ADAD1: variants seen among roughly 807,000 people sequenced by gnomAD.
ADAD1 encodes the protein adenosine deaminase domain containing 1.
A neutral mutation model predicts 66.8 loss-of-function variants in ADAD1; 46 were observed. The ratio of observed to expected loss-of-function variants is 0.69; its 90% CI spans 0.54 to 0.88. The LOEUF (loss-of-function observed/expected upper bound fraction) is 0.88. Among genes scored for constraint, ADAD1 ranks in the 40% least tolerant of loss-of-function variants. ADAD1 has a pLI of 0.00. For synonymous variants in ADAD1, 248 were observed against 229.4 expected, an observed-to-expected ratio of 1.08 and a Z score of -0.73; for missense variants, 617 against 681.8, an observed-to-expected ratio of 0.91 and a Z score of 1.06.
chr4:122,410,254 T>C (rs1796409055), intron 8 of ADAD1, among the ~76,000 whole-genome samples: 1 of 152,218 alleles, frequency 6.6e-6, no homozygotes, highest in Admixed American at 6.5e-5. Flanking sequence ...CCACCCCTCT[T>C]GGTGCTTATG....
At chr4:122,396,546 A>G (rs1299581354) in intron 7 of ADAD1, among the ~76,000 whole-genome samples, 169 bp downstream of exon 7, 1 of 152,230 alleles carries the variant, frequency 6.6e-6, no homozygotes, top group East Asian at 1.9e-4. Context: ...GATAAAGCAC[A>G]CTGACCAGGA....
chr4:122,425,237 C>G (rs960439336), intron 12 of ADAD1, among the ~76,000 whole-genome samples: 1 of 152,022 alleles, frequency 6.6e-6, no homozygotes, highest in African/African-American at 2.4e-5. Context: ...TACACAACAG[C>G]AGAATATATG....
chr4:122,383,961 C>G lies in ADAD1; in HGVS notation c.524C>G (p.Thr175Arg). Residue 175 changes from threonine to arginine, a missense_variant, in exon 5 of 13, where the codon ACA becomes AGA. Physicochemically the swap from Thr to Arg is moderately conservative, Grantham distance 71 (BLOSUM62 -1). Coordinates refer to ENST00000296513, the MANE Select transcript of ADAD1 (RefSeq NM_139243.4). ...LDEPEPRILE[T>R]SGPPPFPAEP... ...GAACCTGAACCACGAATTTTAGAAA[C>G]ATCAGGTAAATACTCTTGATTATAA... 6.2e-7 allele frequency: 1 copy of G among 1,605,844 alleles called. No homozygotes were observed. The highest frequency in any genetic ancestry group is 8.5e-7 in the Non-Finnish European group (1 of 1,177,122).
intron 6 of ADAD1, 109 bp from the exon 7 acceptor site, chr4:122,396,143 A>G: frequency 1.1e-6 from 1 of 932,580 alleles, no homozygotes. Context: ...TTGCTTACAG[A>G]TGTCTATATA....
intron 10 of ADAD1, 50 bp from the exon 11 acceptor site, chr4:122,415,329 T>C: frequency 7.3e-7 from 1 of 1,366,668 alleles, no homozygotes; most frequent in Non-Finnish European, 1.0e-6. Flanking sequence ...TATTTTATTT[T>C]GGGATGTTCT....
chr4:122,422,860 G>A (rs1348528971), intron 12 of ADAD1, among the ~76,000 whole-genome samples: 1 of 151,246 alleles, frequency 6.6e-6, no homozygotes, highest in Non-Finnish European at 1.5e-5. Context: ...GCTGAGGTGG[G>A]AGGATCACTT....
chr4:122,405,920 T>A (rs1796187709), intron 7 of ADAD1, among the ~76,000 whole-genome samples: 1 of 152,152 alleles, frequency 6.6e-6, no homozygotes, highest in Non-Finnish European at 1.5e-5. Context: ...TTTCTTCTTT[T>A]TGGGGGGGCT....
At chr4:122,406,046 G>A (rs1796197064) in intron 7 of ADAD1, among the ~76,000 whole-genome samples, 1 of 152,110 alleles carries the variant, frequency 6.6e-6, no homozygotes, top group African/African-American at 2.4e-5. Context: ...ACATGGGAGT[G>A]TAGATATTTC....
rs1033008724 is a variant in ADAD1, at chr4:122,379,128, C to G, written c.-83+13C>G. 6.6e-6 allele frequency: 1 copy of G among 152,380 alleles called. No individual in the cohort carries two copies. Among genetic ancestry groups the G allele is most frequent in the Non-Finnish European group, 1.5e-5 (1 of 68,056 alleles). The allele number at this position is 152,380 out of a possible 1,614,324, so 9.4% of individuals were successfully genotyped here. ...AACCCTCACGCAGGTACCCCTTGGG[C>G]AGCCTTCAACCGCTCTGGGGAAGGA... On this transcript the variant is annotated intron_variant, in intron 1 of 12. Transcript: ENST00000296513.
Position 122,414,266 on chromosome 4 carries a change from CT to C in ADAD1, c.1250-1104del, listed in dbSNP as rs201133179. ...TTTTTTTCTTCCTTTTTCCAAATGT[CT>C]TTTTTTTTGGGGGGGGGGGTACAAC... On this transcript the variant is annotated intron_variant, in intron 10 of 12. Coordinates refer to ENST00000296513, the MANE Select transcript of ADAD1 (RefSeq NM_139243.4). Among the ~76,000 whole-genome samples, 238 of 63,438 alleles carry C rather than the reference CT, an allele frequency of 3.8e-3. 7 individuals are homozygous for C. Among genetic ancestry groups the C allele is most frequent in the Middle Eastern group, 0.022 (1 of 46 alleles). 41.6% of individuals were successfully genotyped at this position (63,438 alleles called of 152,430 possible).
At position 122,407,968 on chromosome 4, in the gene ADAD1, A is replaced by G; in HGVS notation, c.785A>G (p.Lys262Arg). ...TGEYNYSQDI[K>R]PDGRVLHDTH... The stretch of plus-strand genomic sequence containing the variant: ...GAATACAATTACAGCCAGGACATTA[A>G]GCCAGATGGAAGAGTATTGCATGAC... The change falls in exon 8 of 13, where the codon AAG (lysine) becomes AGG (arginine). Residue 262 changes from lysine to arginine, a missense_variant. Transcript: ENST00000296513. The G allele has an allele frequency of 6.2e-7, 1 of 1,613,880 alleles. No individual in the cohort carries two copies. The highest frequency in any genetic ancestry group is 1.1e-5 in the South Asian group (1 of 91,074).
intron 6 of ADAD1, 124 bp from the exon 7 acceptor site, chr4:122,396,128 T>G: frequency 1.3e-6 from 1 of 786,440 alleles, no homozygotes; most frequent in Non-Finnish European, 1.7e-6. Context: ...ACCTAAATTA[T>G]AAATTTGCTT....
At chr4:122,404,869 T>G (rs1436875744) in intron 7 of ADAD1, among the ~76,000 whole-genome samples, 1 of 152,204 alleles carries the variant, frequency 6.6e-6, no homozygotes, top group East Asian at 1.9e-4. Context: ...TCACTCCTCC[T>G]ATAGGCTAAT....
At chr4:122,403,997 A>G (rs1365707825) in intron 7 of ADAD1, among the ~76,000 whole-genome samples, 2 of 152,158 alleles carry the variant, frequency 1.3e-5, no homozygotes, top group Non-Finnish European at 2.9e-5. Context: ...CCACACAGCC[A>G]ACAAGGCCAG....
At chr4:122,419,869 ATAGC>A (rs1332429988) in intron 11 of ADAD1, among the ~76,000 whole-genome samples, 1 of 152,234 alleles carries the variant, frequency 6.6e-6, no homozygotes, top group African/African-American at 2.4e-5. Flanking sequence ...ATAAAAAGGA[ATAGC>A]TAGGTAGTTT....
At chr4:122,404,807 A>G (rs1580775282) in intron 7 of ADAD1, among the ~76,000 whole-genome samples, 1 of 152,144 alleles carries the variant, frequency 6.6e-6, no homozygotes, top group Non-Finnish European at 1.5e-5. Context: ...CCAAATCTAT[A>G]TACTTTCCTG....
At chr4:122,414,280 G>A (rs868589545) in intron 10 of ADAD1, among the ~76,000 whole-genome samples, 3 of 127,206 alleles carry the variant, frequency 2.4e-5, no homozygotes, top group African/African-American at 5.7e-5. Context: ...TTTTTTGGGG[G>A]GGGGGGTACA....
chr4:122,407,044 C>G (rs953606380), intron 7 of ADAD1, among the ~76,000 whole-genome samples: 2 of 151,986 alleles, frequency 1.3e-5, no homozygotes, highest in Middle Eastern at 3.4e-3. Flanking sequence ...CTTGGTAACA[C>G]CTCAGCAATT....
At position 122,411,251 on chromosome 4, in the gene ADAD1, A is replaced by G. The variant is rs1796451651; in HGVS notation, c.878A>G (p.Tyr293Cys). The G allele has an allele frequency of 6.2e-7, 1 of 1,607,634 alleles. No individual in the cohort carries two copies. Among genetic ancestry groups the G allele is most frequent in the Non-Finnish European group, 8.5e-7 (1 of 1,178,322 alleles). The change falls in exon 9 of 13, where the codon TAC (tyrosine) becomes TGC (cysteine). Residue 293 changes from tyrosine to cysteine, a missense_variant. By Grantham distance (194) the Tyr-to-Cys change is radical (BLOSUM62 -2). Transcript: ENST00000296513. The stretch of plus-strand genomic sequence containing the variant: ...TTTTATAGACAACTTCTGCTCTTCT[A>G]CAGCAAAAATCCTGCTATGATGGAA... Reference protein sequence around the residue: ...RYFYRQLLLFYSKNPAMMEKS... With the variant: ...RYFYRQLLLFCSKNPAMMEKS...
Sources: gnomAD v4.1 joint callset for allele counts (sites outside exome capture counted in the v4.1 genomes callset) on GRCh38, gnomAD v4.1.1 for gene constraint, MANE v1.5 for transcripts, NCBI Gene and HGNC (gene_info 2026-07-23, HGNC 2026-07-21) for gene names.